The following RCSD1 variants were observed in gnomAD, a reference collection of about 807,000 sequenced individuals.
RCSD1 encodes the protein RCSD domain containing 1.
Under a neutral mutation model 42.5 loss-of-function variants are expected in RCSD1, and 26 were observed. The ratio of observed to expected loss-of-function variants is 0.61; its 90% CI spans 0.45 to 0.85. RCSD1 has a LOEUF of 0.85. RCSD1 is among the 40% of genes least tolerant of loss of function. The probability of loss-of-function intolerance (pLI) is 0.00; values close to 1 mark genes in which losing one functional copy is unlikely to be tolerated. For missense variants in RCSD1, 571 were observed against 528.3 expected (o/e 1.08, Z -0.79); for synonymous variants, 220 against 212.2 (o/e 1.04, Z -0.32).
chr1:167,648,446 G>A (rs1317731133), intron 1 of RCSD1, among the ~76,000 whole-genome samples: 2 of 152,200 alleles, frequency 1.3e-5, no homozygotes, highest in African/African-American at 4.8e-5. Flanking sequence ...TACCTGGTGT[G>A]TACAATTGCA....
At chr1:167,641,506 G>C (rs4656546) in intron 1 of RCSD1, 70,027 of 151,850 alleles carry the variant, frequency 0.46, 16,220 homozygotes, top group East Asian at 0.64. Flanking sequence ...ATCACAGAAG[G>C]TCGGGAGTTT....
chr1:167,704,107 A>G (rs1479290604), intron 6 of RCSD1, among the ~76,000 whole-genome samples: 1 of 152,202 alleles, frequency 6.6e-6, no homozygotes, highest in Non-Finnish European at 1.5e-5. Flanking sequence ...AAGGATCTCA[A>G]AGTAATACCT....
At chr1:167,687,013 A>G (rs2102233708) in intron 3 of RCSD1, among the ~76,000 whole-genome samples, 1 of 152,354 alleles carries the variant, frequency 6.6e-6, no homozygotes, top group South Asian at 2.1e-4. Flanking sequence ...GAGTTAGGCT[A>G]GTGATTGGGT....
At chr1:167,665,970 C>T (rs1329483797) in intron 1 of RCSD1, among the ~76,000 whole-genome samples, 2 of 152,152 alleles carry the variant, frequency 1.3e-5, no homozygotes, top group Admixed American at 1.3e-4. Context: ...TGCCACCACA[C>T]CCGGCTAATT....
intron 1 of RCSD1, among the ~76,000 whole-genome samples, chr1:167,670,431 T>G (rs891316390): frequency 6.6e-6 from 1 of 151,544 alleles, no homozygotes; most frequent in Non-Finnish European, 1.5e-5. Context: ...TCGGCAGCTC[T>G]GCCCCTGCAT....
intron 1 of RCSD1, among the ~76,000 whole-genome samples, chr1:167,659,129 T>C (rs1168974475): frequency 6.6e-6 from 1 of 152,192 alleles, no homozygotes; most frequent in Non-Finnish European, 1.5e-5. Flanking sequence ...AATCTTAGTG[T>C]TAATTTAACT....
At chr1:167,688,183 G>A (rs756604169) in intron 3 of RCSD1, among the ~76,000 whole-genome samples, 1 of 152,170 alleles carries the variant, frequency 6.6e-6, no homozygotes. Context: ...AGGGTTTTAT[G>A]GAGCATCAGC....
chr1:167,638,779 A>G (rs532262715), intron 1 of RCSD1, among the ~76,000 whole-genome samples: 3 of 152,334 alleles, frequency 2.0e-5, no homozygotes, highest in African/African-American at 7.2e-5. Flanking sequence ...TTCCAAATTC[A>G]TTTTTAGGGC....
chr1:167,630,704 G>C (rs1330286119), intron 1 of RCSD1: 1 of 94,734 alleles, frequency 1.1e-5, no homozygotes, highest in African/African-American at 4.0e-5. Flanking sequence ...GGGTATTTTG[G>C]CTAGGAACTT....
chr1:167,630,441 C>G lies in RCSD1; in HGVS notation c.6+12C>G, dbSNP rs756023581. The G allele has an allele frequency of 6.5e-7, 1 of 1,538,702 alleles. No homozygotes were observed. Among genetic ancestry groups the G allele is most frequent in the Non-Finnish European group, 8.8e-7 (1 of 1,140,734 alleles). ...TGAAGGACATGGAGGTAAAGGACCC[C>G]GGAGGGAGACGCGGGGCTGAGCGGT... On this transcript the variant is annotated intron_variant, in intron 1 of 6. Transcript: ENST00000367854.
At chr1:167,635,885 G>A (rs1470308374) in intron 1 of RCSD1, among the ~76,000 whole-genome samples, 1 of 152,212 alleles carries the variant, frequency 6.6e-6, no homozygotes, top group Non-Finnish European at 1.5e-5. Flanking sequence ...TACCTGGGGA[G>A]TAGTTCAACC....
chr1:167,673,445 C>T (rs1170068545), intron 1 of RCSD1, among the ~76,000 whole-genome samples: 1 of 152,206 alleles, frequency 6.6e-6, no homozygotes, highest in Non-Finnish European at 1.5e-5. Context: ...AAGCACTTCC[C>T]ATGTGCTCAG....
chr1:167,637,730 CCACACACACACACACA>C (rs66925392), intron 1 of RCSD1, among the ~76,000 whole-genome samples: 39 of 146,834 alleles, frequency 2.7e-4, no homozygotes, highest in African/African-American at 8.5e-4. Flanking sequence ...TAGGAATAGA[CCACACACACACACACA>C]CACACACACA....
chr1:167,691,884 G>C (rs79986034), intron 4 of RCSD1, among the ~76,000 whole-genome samples: 1 of 152,082 alleles, frequency 6.6e-6, no homozygotes, highest in African/African-American at 2.4e-5. Context: ...TAAGTAACAG[G>C]GGTCTCTCAG....
rs1233231904 is a variant in RCSD1, at chr1:167,697,431, G to A, written c.807G>A (p.Glu269=). ...KNGEKARRSS[E]EVDGQHPAQE... ...GTGAAAAGGCCAGGCGGAGTTCAGA[G>A]GAGGTGGACGGCCAGCACCCGGCCC... Residue 269 remains glutamate (E), a synonymous_variant, in exon 6 of 7, where the codon GAG becomes GAA. Coordinates refer to ENST00000367854, the MANE Select transcript of RCSD1 (RefSeq NM_052862.4). 1 of 1,612,540 alleles carries A rather than the reference G, an allele frequency of 6.2e-7. No individual in the cohort carries two copies. Among genetic ancestry groups the A allele is most frequent in the Non-Finnish European group, 8.5e-7 (1 of 1,179,378 alleles).
rs377666054 is a variant in RCSD1, at chr1:167,652,018, C to T, written c.6+21589C>T. Reference sequence around the variant, plus strand: ...AGCCCAGGCTCCTGCCTCTGTTCATCTTTTTTTTTTTTTTTTTTTTTGAGA... The same window carrying T: ...AGCCCAGGCTCCTGCCTCTGTTCATTTTTTTTTTTTTTTTTTTTTTTGAGA... On this transcript the variant is annotated intron_variant, in intron 1 of 6. Coordinates refer to ENST00000367854, the MANE Select transcript of RCSD1 (RefSeq NM_052862.4). Among the ~76,000 whole-genome samples the T allele has an allele frequency of 6.3e-3, 678 of 108,106 alleles. 4 individuals are homozygous for T. The highest frequency in any genetic ancestry group is 0.023 in the African/African-American group (630 of 27,354). The allele number at this position is 108,106 out of a possible 152,430, so 70.9% of individuals were successfully genotyped here. A position where few individuals can be genotyped will look rare whatever the true frequency, so the allele number is the denominator to read the frequency against.
chr1:167,631,067 C>A (rs1657684903), intron 1 of RCSD1, among the ~76,000 whole-genome samples: 1 of 152,220 alleles, frequency 6.6e-6, no homozygotes, highest in Non-Finnish European at 1.5e-5. Flanking sequence ...CTTGGACACC[C>A]TTGCCTCTGA....
chr1:167,653,136 G>C (rs1226304100), intron 1 of RCSD1, among the ~76,000 whole-genome samples: 2 of 152,140 alleles, frequency 1.3e-5, no homozygotes, highest in Non-Finnish European at 2.9e-5. Flanking sequence ...TCTCACAGTT[G>C]TGCAACGATA....
At chr1:167,658,056 T>G (rs1287251805) in intron 1 of RCSD1, among the ~76,000 whole-genome samples, 1 of 151,990 alleles carries the variant, frequency 6.6e-6, no homozygotes. Context: ...GTCTCTCGAG[T>G]AACTGGGACT....
Sources: allele counts gnomAD v4.1 joint callset (sites outside exome capture counted in the v4.1 genomes callset), GRCh38; gene constraint gnomAD v4.1.1; transcripts MANE v1.5; gene names NCBI Gene and HGNC (gene_info 2026-07-23, HGNC 2026-07-21).